The following NKAIN3 variants were observed in gnomAD, a reference collection of about 807,000 sequenced individuals.
NKAIN3 encodes sodium/potassium-transporting ATPase subunit beta-1-interacting protein 3.
A neutral mutation model predicts 30.2 loss-of-function variants in NKAIN3; 25 were observed. That is an observed-to-expected ratio of 0.83 (90% CI 0.60 to 1.16). NKAIN3 has a LOEUF of 1.16. NKAIN3 is among the 50% of genes most tolerant of loss of function. The probability of loss-of-function intolerance (pLI) is 0.00; values close to 1 mark genes in which losing one functional copy is unlikely to be tolerated. For missense variants in NKAIN3, 225 were observed against 254.1 expected (o/e 0.89, Z 0.78); for synonymous variants, 91 against 89.6 (o/e 1.02, Z -0.09).
At chr8:62,916,124 G>A (rs1822094507) in intron 4 of NKAIN3, among the ~76,000 whole-genome samples, 1 of 152,030 alleles carries the variant, frequency 6.6e-6, no homozygotes, top group South Asian at 2.1e-4. Flanking sequence ...CCAATAATGT[G>A]TAAAAAATAG....
At chr8:62,865,233 C>A (rs1388305062) in intron 4 of NKAIN3, among the ~76,000 whole-genome samples, 1 of 152,126 alleles carries the variant, frequency 6.6e-6, no homozygotes. Flanking sequence ...ATTTCCTGAT[C>A]CCGATGTTAG....
chr8:62,665,152 T>C (rs1813059551), intron 3 of NKAIN3, among the ~76,000 whole-genome samples: 1 of 152,178 alleles, frequency 6.6e-6, no homozygotes, highest in Non-Finnish European at 1.5e-5. Context: ...GAAATTCACA[T>C]GCACATACAC....
At chr8:62,629,930 C>T (rs1216865718) in intron 3 of NKAIN3, among the ~76,000 whole-genome samples, 3 of 152,070 alleles carry the variant, frequency 2.0e-5, no homozygotes, top group Non-Finnish European at 4.4e-5. Flanking sequence ...GTAGTCTCCA[C>T]TTATCTGTGG....
At position 62,739,584 on chromosome 8, in the gene NKAIN3, GT is replaced by G. The variant is rs936480409; in HGVS notation, c.274-7339del. On this transcript the variant is annotated intron_variant, in intron 3 of 6. Coordinates refer to ENST00000623646, the MANE Select transcript of NKAIN3 (RefSeq NM_001304533.3). The stretch of plus-strand genomic sequence containing the variant: ...CAAAAAAATTGAAATCCATGCATAG[GT>G]TTTTTTTTAAAATAATAGCATTTTC... Among the ~76,000 whole-genome samples the G allele has an allele frequency of 1.1e-3, 169 of 151,346 alleles. 1 individual carries two copies. The highest frequency in any genetic ancestry group is 6.8e-3 in the Middle Eastern group (2 of 294).
intron 3 of NKAIN3, among the ~76,000 whole-genome samples, chr8:62,734,442 T>C (rs1286571554): frequency 1.3e-5 from 2 of 152,254 alleles, no homozygotes; most frequent in Non-Finnish European, 2.9e-5. Context: ...TTATTAGAAC[T>C]ATTTAGTCTT....
chr8:62,284,328 T>A (rs191068427), intron 1 of NKAIN3, among the ~76,000 whole-genome samples: 8 of 152,078 alleles, frequency 5.3e-5, no homozygotes, highest in Non-Finnish European at 8.8e-5. Context: ...CTTGCTGTGC[T>A]GGTTAAAAGG....
rs144539809 is a variant in NKAIN3, at chr8:62,636,467, A to G, written c.273+46673A>G. On this transcript the variant is annotated intron_variant, in intron 3 of 6. Transcript: ENST00000623646. ...TATTAACAATGGTGTAAAATGGACA[A>G]TAATGTTTCTCCTTGTACTTTCAAA... 3.9e-4 allele frequency among the ~76,000 whole-genome samples: 59 copies of G among 152,338 alleles called. No homozygotes were observed. In the East Asian group the frequency reaches 9.5e-3, roughly 24 times the overall value.
intron 1 of NKAIN3, among the ~76,000 whole-genome samples, chr8:62,331,022 G>T (rs1265763165): frequency 1.3e-5 from 2 of 148,982 alleles, no homozygotes; most frequent in African/African-American, 2.5e-5. Flanking sequence ...CTATATATAT[G>T]TATGTATCTC....
chr8:62,601,050 A>G lies in NKAIN3; in HGVS notation c.273+11256A>G, dbSNP rs755232395. Among the ~76,000 whole-genome samples the G allele has an allele frequency of 2.0e-5, 3 of 152,088 alleles. No individual in the cohort carries two copies. In the South Asian group the frequency reaches 6.2e-4, roughly 31 times the overall value. ...CAATTCAGAGTTCAGTACATGAACA[A>G]TTGCAGAGGAAACAGAACTCTCAGT... On this transcript the variant is annotated intron_variant, in intron 3 of 6. Transcript: ENST00000623646.
chr8:62,919,128 A>G (rs550234010), intron 5 of NKAIN3, among the ~76,000 whole-genome samples: 27 of 151,612 alleles, frequency 1.8e-4, no homozygotes, highest in African/African-American at 5.8e-4. Context: ...CTTTAGCACC[A>G]TAGGTCAACA....
intron 5 of NKAIN3, among the ~76,000 whole-genome samples, chr8:62,944,828 T>G (rs1823076347): frequency 6.6e-6 from 1 of 152,220 alleles, no homozygotes; most frequent in African/African-American, 2.4e-5. Context: ...ATGCAGCAGT[T>G]TTGTTTCAAT....
At chr8:62,353,425 T>C (rs188091458) in intron 1 of NKAIN3, among the ~76,000 whole-genome samples, 155 of 152,362 alleles carry the variant, frequency 1.0e-3, no homozygotes, top group African/African-American at 3.6e-3. Context: ...ATTTGATCCA[T>C]AGCCTTGATT....
At chr8:62,707,853 T>A (rs917591415) in intron 3 of NKAIN3, among the ~76,000 whole-genome samples, 1 of 152,336 alleles carries the variant, frequency 6.6e-6, no homozygotes, top group Non-Finnish European at 1.5e-5. Flanking sequence ...ATTTTTATAG[T>A]TTCAGGTCTT....
At position 62,975,266 on chromosome 8, in the gene NKAIN3, T is replaced by G. The variant is rs1823916739; in HGVS notation, c.*9859T>G. On this transcript the variant is annotated 3_prime_UTR_variant, in exon 7 of 7. Transcript: ENST00000623646. ...GCTCCTCTTTGTAACTCTGGTAGAG[T>G]TCAGCTATGAGTCCATCTGGTCCTG... Among the ~76,000 whole-genome samples, 1 of 152,098 alleles carries G rather than the reference T, an allele frequency of 6.6e-6. No homozygotes were observed. The highest frequency in any genetic ancestry group is 1.5e-5 in the Non-Finnish European group (1 of 68,000).
intron 4 of NKAIN3, among the ~76,000 whole-genome samples, chr8:62,907,210 G>A (rs1821801967): frequency 6.6e-6 from 1 of 152,126 alleles, no homozygotes; most frequent in African/African-American, 2.4e-5. Context: ...ATAATTTAGG[G>A]TATCAGACGG....
intron 1 of NKAIN3, among the ~76,000 whole-genome samples, chr8:62,551,189 A>T (rs978940078): frequency 3.9e-5 from 6 of 152,060 alleles, no homozygotes; most frequent in Non-Finnish European, 8.8e-5. Context: ...AGCTACATTA[A>T]TTTTTTTTAA....
intron 5 of NKAIN3, among the ~76,000 whole-genome samples, chr8:62,937,512 G>C (rs1287618531): frequency 1.3e-5 from 2 of 152,066 alleles, no homozygotes; most frequent in African/African-American, 4.8e-5. Context: ...AGCTGGAAGA[G>C]CCCTGTAAGG....
intron 4 of NKAIN3, among the ~76,000 whole-genome samples, chr8:62,792,838 A>T (rs537575062): frequency 3.9e-5 from 6 of 152,274 alleles, no homozygotes; most frequent in African/African-American, 1.4e-4. Flanking sequence ...AAAACAACAT[A>T]GTACATTCAG....
intron 1 of NKAIN3, among the ~76,000 whole-genome samples, chr8:62,529,444 A>G (rs910570614): frequency 6.6e-6 from 1 of 152,150 alleles, no homozygotes; most frequent in Admixed American, 6.5e-5. Context: ...AACGAACGTG[A>G]TAGTGCTAAG....
Sources: allele counts gnomAD v4.1 joint callset (sites outside exome capture counted in the v4.1 genomes callset), GRCh38; gene constraint gnomAD v4.1.1; transcripts MANE v1.5; gene names NCBI Gene and HGNC (gene_info 2026-07-23, HGNC 2026-07-21).